The following PUM1 variants were observed in gnomAD, a reference collection of about 807,000 sequenced individuals.
PUM1 encodes pumilio homolog 1.
In PUM1, 13 loss-of-function variants were observed where a neutral mutation model predicts 131.8. The ratio of observed to expected loss-of-function variants is 0.10; its 90% CI spans 0.06 to 0.16. The LOEUF (loss-of-function observed/expected upper bound fraction) is 0.16. Among genes scored for constraint, PUM1 ranks in the 10% least tolerant of loss-of-function variants. The pLI is 1.00. For synonymous variants in PUM1, 509 were observed against 556.5 expected, an observed-to-expected ratio of 0.91 and a Z score of 1.20; for missense variants, 961 against 1,512.4, an observed-to-expected ratio of 0.64 and a Z score of 6.05.
intron 10 of PUM1, among the ~76,000 whole-genome samples, chr1:30,969,630 AG>A (rs1640790158): frequency 1.3e-5 from 2 of 152,186 alleles, no homozygotes; most frequent in Admixed American, 1.3e-4. Flanking sequence ...ACTCTGATAA[AG>A]GATCTACTTT....
At chr1:31,000,773 C>T (rs1039281411) in intron 5 of PUM1, among the ~76,000 whole-genome samples, 2 of 152,188 alleles carry the variant, frequency 1.3e-5, no homozygotes, top group African/African-American at 4.8e-5. Context: ...AACTAAAACA[C>T]TGGTTTCTCC....
chr1:30,936,626 T>TGC lies in PUM1; in HGVS notation c.3435+15_3435+16dup, dbSNP rs201905426. The TGC allele has an allele frequency of 5.3e-3, 8,477 of 1,606,036 alleles. 51 individuals are homozygous for TGC. The highest frequency in any genetic ancestry group is 0.025 in the East Asian group (1,137 of 44,762). ...GCCTTGCACACTTTCTCTGAGACCC[T>TGC]GCCCAGCCCGGCCTACCTTATGCAT... On this transcript the variant is annotated intron_variant, in intron 21 of 21. Coordinates refer to ENST00000426105, the MANE Select transcript of PUM1 (RefSeq NM_001020658.2).
chr1:30,957,307 A>C (rs1640209277), intron 14 of PUM1, among the ~76,000 whole-genome samples: 1 of 152,220 alleles, frequency 6.6e-6, no homozygotes, highest in Non-Finnish European at 1.5e-5. Flanking sequence ...TTTTTGAAAA[A>C]AATGCGTGAC....
intron 2 of PUM1, among the ~76,000 whole-genome samples, chr1:31,034,747 T>G (rs747706192): frequency 1.4e-4 from 22 of 152,190 alleles, no homozygotes; most frequent in Non-Finnish European, 2.8e-4. Flanking sequence ...TTTGCTAGAT[T>G]ATTTCCTCAT....
intron 7 of PUM1, among the ~76,000 whole-genome samples, chr1:30,989,929 C>T (rs534452872): frequency 6.6e-6 from 1 of 152,322 alleles, no homozygotes; most frequent in South Asian, 2.1e-4. Context: ...ACATTTTTCT[C>T]ATGAGAGAGA....
intron 3 of PUM1, among the ~76,000 whole-genome samples, chr1:31,020,853 T>C (rs1299659845): frequency 6.6e-6 from 1 of 152,232 alleles, no homozygotes; most frequent in African/African-American, 2.4e-5. Context: ...AACCACATCA[T>C]GCACCAATTA....
chr1:31,011,109 G>A (rs907545975), intron 3 of PUM1, among the ~76,000 whole-genome samples: 11 of 150,996 alleles, frequency 7.3e-5, no homozygotes, highest in Non-Finnish European at 4.4e-5. Flanking sequence ...AGTGAGCTAC[G>A]ATTACACTAC....
rs570505429 is a variant in PUM1, at chr1:30,994,665, G to A, written c.887+389C>T. On this transcript the variant is annotated intron_variant, in intron 6 of 21. Transcript: ENST00000426105. Reference sequence around the variant, plus strand: ...AACTGTTTTTCCCTCTAAACCACCAGAGGGATATGACATATTCCATTAGTA... The same window carrying A: ...AACTGTTTTTCCCTCTAAACCACCAAAGGGATATGACATATTCCATTAGTA... 2.6e-5 allele frequency among the ~76,000 whole-genome samples: 4 copies of A among 152,298 alleles called. No individual in the cohort carries two copies. In the South Asian group the frequency reaches 8.3e-4, roughly 32 times the overall value.
intron 16 of PUM1, among the ~76,000 whole-genome samples, chr1:30,950,974 AAC>A (rs1173601765): frequency 1.3e-5 from 2 of 152,222 alleles, no homozygotes; most frequent in African/African-American, 4.8e-5. Flanking sequence ...TACACAAGGT[AAC>A]AGAGTTGGGA....
intron 2 of PUM1, among the ~76,000 whole-genome samples, chr1:31,057,572 A>G (rs1161469222): frequency 1.3e-5 from 2 of 151,748 alleles, no homozygotes; most frequent in African/African-American, 4.8e-5. Flanking sequence ...TAAAAATACA[A>G]AAATTAGCCA....
At chr1:31,026,513 T>C (rs910450522) in intron 3 of PUM1, among the ~76,000 whole-genome samples, 1 of 152,206 alleles carries the variant, frequency 6.6e-6, no homozygotes, top group Non-Finnish European at 1.5e-5. Context: ...ATATTCATTG[T>C]TTCCTTAACT....
chr1:31,062,229 T>A (rs1417244010), intron 1 of PUM1, among the ~76,000 whole-genome samples: 3 of 152,128 alleles, frequency 2.0e-5, no homozygotes, highest in Non-Finnish European at 4.4e-5. Flanking sequence ...CAACAAAGAA[T>A]CCCTCAAATG....
At chr1:31,021,410 A>T (rs1286780194) in intron 3 of PUM1, among the ~76,000 whole-genome samples, 1 of 152,216 alleles carries the variant, frequency 6.6e-6, no homozygotes, top group Non-Finnish European at 1.5e-5. Context: ...TTTCTGATGT[A>T]AAAGGAAAAA....
At chr1:30,983,665 C>T (rs1327644426) in intron 7 of PUM1, among the ~76,000 whole-genome samples, 2 of 152,000 alleles carry the variant, frequency 1.3e-5, no homozygotes, top group Non-Finnish European at 2.9e-5. Flanking sequence ...AATGCAGTGA[C>T]GTGATCATGG....
At chr1:31,014,208 G>T (rs1279061611) in intron 3 of PUM1, among the ~76,000 whole-genome samples, 1 of 151,672 alleles carries the variant, frequency 6.6e-6, no homozygotes, top group Non-Finnish European at 1.5e-5. Flanking sequence ...GACCTAGGTG[G>T]GAGGATCACC....
At chr1:30,993,580 A>G (rs568798691) in intron 6 of PUM1, among the ~76,000 whole-genome samples, 1 of 152,182 alleles carries the variant, frequency 6.6e-6, no homozygotes, top group East Asian at 1.9e-4. Flanking sequence ...TAGCTGGTAC[A>G]TATTAAAGGT....
At position 30,992,666 on chromosome 1, in the gene PUM1, C is replaced by G; in HGVS notation, c.888-6G>C. On this transcript the variant is annotated splice_region_variant and splice_polypyrimidine_tract_variant and intron_variant, in intron 6 of 21. Transcript: ENST00000426105. ...GGCAATTACCAGGGGTACGGCTAAA[C>G]AGAGAAAGTAAAGGGCATTAAACCT... is the stretch of plus-strand genomic sequence containing the variant. The G allele has an allele frequency of 6.2e-7, 1 of 1,609,560 alleles. No individual in the cohort carries two copies. Among genetic ancestry groups the G allele is most frequent in the South Asian group, 1.1e-5 (1 of 90,672 alleles).
chr1:31,005,792 AG>A (rs528196924), intron 5 of PUM1, 60 bp downstream of exon 5: 463 of 32,358 alleles, frequency 0.014, no homozygotes, highest in South Asian at 0.1. Flanking sequence ...GGGGAAAAAA[AG>A]AGAGAGAGAG....
chr1:30,951,672 C>T (rs189943123), intron 16 of PUM1, among the ~76,000 whole-genome samples: 61 of 152,312 alleles, frequency 4.0e-4, no homozygotes, highest in Admixed American at 1.3e-3. Flanking sequence ...AAGACATCAA[C>T]CTAACAATCT....
Sources: allele counts gnomAD v4.1 joint callset (sites outside exome capture counted in the v4.1 genomes callset), GRCh38; gene constraint gnomAD v4.1.1; transcripts MANE v1.5; gene names NCBI Gene and HGNC (gene_info 2026-07-23, HGNC 2026-07-21).